SEZ6L: variants seen among roughly 807,000 people sequenced by gnomAD.
SEZ6L encodes seizure 6-like protein.
A neutral mutation model predicts 106.2 loss-of-function variants in SEZ6L; 37 were observed. That is an observed-to-expected ratio of 0.35 (90% confidence interval 0.27 to 0.46). The LOEUF (loss-of-function observed/expected upper bound fraction) is 0.46. SEZ6L is among the 20% of genes least tolerant of loss of function. The pLI, the probability that SEZ6L is intolerant of heterozygous loss-of-function variation, is 1.00. For missense variants in SEZ6L, 1,172 were observed against 1,332.8 expected, an observed-to-expected ratio of 0.88 and a Z score of 1.88; for synonymous variants, 541 against 570.4, an observed-to-expected ratio of 0.95 and a Z score of 0.73.
At chr22:26,302,090 C>T (rs191119000) in intron 5 of SEZ6L, among the ~76,000 whole-genome samples, 20 of 152,304 alleles carry the variant, frequency 1.3e-4, no homozygotes, top group Admixed American at 1.0e-3. Context: ...TTACCACTTT[C>T]ATAGGCAAAG....
At chr22:26,324,559 G>A (rs1328123189) in intron 9 of SEZ6L, among the ~76,000 whole-genome samples, 2 of 152,214 alleles carry the variant, frequency 1.3e-5, no homozygotes, top group East Asian at 3.8e-4. Context: ...CAGGAAAGGA[G>A]GAGAGAGATT....
intron 9 of SEZ6L, among the ~76,000 whole-genome samples, chr22:26,316,892 G>GAAAGA (rs1229794374): frequency 3.8e-4 from 39 of 103,758 alleles, no homozygotes; most frequent in South Asian, 1.3e-3. Context: ...AAGAAAGAAA[G>GAAAGA]AGAAAGAAAG....
Position 26,311,801 on chromosome 22 carries a change from T to C in SEZ6L, c.1715T>C (p.Ile572Thr), listed in dbSNP as rs940105781. 5.0e-6 allele frequency: 8 copies of C among 1,614,138 alleles called. No homozygotes were observed. The highest frequency in any genetic ancestry group is 5.9e-6 in the Non-Finnish European group (7 of 1,180,030). The change falls in exon 8 of 17, where the codon ATC (isoleucine) becomes ACC (threonine). Residue 572 changes from isoleucine to threonine, a missense_variant. Coordinates refer to ENST00000248933, the MANE Select transcript of SEZ6L (RefSeq NM_021115.5). ...AAAGGCCACTGCTATGAGCCCTACA[T>C]CCAGAATGGGAACTTCACTACATCC... is the stretch of plus-strand genomic sequence containing the variant. ...FEKGHCYEPY[I>T]QNGNFTTSDP...
At chr22:26,353,031 T>G (rs553534339) in intron 12 of SEZ6L, among the ~76,000 whole-genome samples, 31 of 152,316 alleles carry the variant, frequency 2.0e-4, no homozygotes, top group African/African-American at 7.2e-4. Flanking sequence ...AGAGAAAAAT[T>G]TCCATTTCTG....
intron 1 of SEZ6L, among the ~76,000 whole-genome samples, chr22:26,216,510 G>T (rs936393976): frequency 7.2e-5 from 11 of 152,230 alleles, no homozygotes; most frequent in African/African-American, 2.4e-4. Context: ...ACAGTAATTA[G>T]CTGGGTGTAG....
intron 1 of SEZ6L, among the ~76,000 whole-genome samples, chr22:26,292,082 G>A (rs1405966144): frequency 2.0e-5 from 3 of 148,784 alleles, no homozygotes; most frequent in Non-Finnish European, 4.5e-5. Context: ...GAAAATGAAG[G>A]AGGAAGGAAG....
chr22:26,277,678 A>G (rs1284228684), intron 1 of SEZ6L, among the ~76,000 whole-genome samples: 4 of 152,208 alleles, frequency 2.6e-5, no homozygotes, highest in African/African-American at 7.2e-5. Context: ...TGACTTTGTC[A>G]TACACACCAA....
At chr22:26,379,871 C>G (rs918293685) in intron 16 of SEZ6L, among the ~76,000 whole-genome samples, 1 of 152,224 alleles carries the variant, frequency 6.6e-6, no homozygotes, top group African/African-American at 2.4e-5. Context: ...ATGCAACAAG[C>G]ATTCATTTGC....
Position 26,169,593 on chromosome 22 carries a change from A to C in SEZ6L, c.-77A>C, listed in dbSNP as rs1938425254. 3 of 503,048 alleles carry C rather than the reference A, an allele frequency of 6.0e-6. No homozygotes were observed. The highest frequency in any genetic ancestry group is 3.2e-6 in the Non-Finnish European group (1 of 310,848). The allele number at this position is 503,048 out of a possible 1,614,324, so 31.2% of individuals were successfully genotyped here. On this transcript the variant is annotated 5_prime_UTR_variant, in exon 1 of 17. Coordinates refer to ENST00000248933, the MANE Select transcript of SEZ6L (RefSeq NM_021115.5). ...CGCTCCCGCTTCCCCTTTCTCGCTC[A>C]CCGCCGCCCTCCTTCCCCAGCTCCC...
intron 1 of SEZ6L, among the ~76,000 whole-genome samples, chr22:26,235,697 G>A (rs1333933301): frequency 6.6e-6 from 1 of 152,158 alleles, no homozygotes; most frequent in Non-Finnish European, 1.5e-5. Context: ...ACAAGCAAAA[G>A]GCTTAGGGGC....
chr22:26,306,801 C>T (rs7510997), intron 6 of SEZ6L, among the ~76,000 whole-genome samples: 2 of 152,210 alleles, frequency 1.3e-5, no homozygotes, highest in East Asian at 1.9e-4. Flanking sequence ...CTGGGATATT[C>T]TGGCGTCTTA....
At chr22:26,320,687 C>A (rs1443527252) in intron 9 of SEZ6L, among the ~76,000 whole-genome samples, 1 of 152,064 alleles carries the variant, frequency 6.6e-6, no homozygotes, top group African/African-American at 2.4e-5. Flanking sequence ...CTCTGGGGGC[C>A]CAGAGCGAGG....
intron 12 of SEZ6L, among the ~76,000 whole-genome samples, chr22:26,358,117 GGCCAGCATGTCCAGTGTTAGCT>G (rs1384386459): frequency 6.6e-6 from 1 of 152,148 alleles, no homozygotes; most frequent in Non-Finnish European, 1.5e-5. Context: ...GCCACATCTT[GGCCAGCATGTCCAGTGTTAGCT>G]GAGTTCCCGT....
intron 1 of SEZ6L, among the ~76,000 whole-genome samples, chr22:26,204,301 AACT>A (rs1471733997): frequency 6.6e-6 from 1 of 152,198 alleles, no homozygotes; most frequent in Admixed American, 6.5e-5. Context: ...CATAATTACT[AACT>A]ACTATTGTGA....
chr22:26,281,161 T>G (rs1234546436), intron 1 of SEZ6L, among the ~76,000 whole-genome samples: 1 of 152,248 alleles, frequency 6.6e-6, no homozygotes, highest in South Asian at 2.1e-4. Flanking sequence ...AATTAATGGA[T>G]TAATGGATTA....
At chr22:26,316,737 C>T (rs760365705) in intron 9 of SEZ6L, among the ~76,000 whole-genome samples, 1 of 151,778 alleles carries the variant, frequency 6.6e-6, no homozygotes, top group Non-Finnish European at 1.5e-5. Flanking sequence ...GAGGCTGAGG[C>T]AAGAGAATCA....
intron 1 of SEZ6L, among the ~76,000 whole-genome samples, chr22:26,202,634 A>G (rs961455371): frequency 6.6e-6 from 1 of 152,192 alleles, no homozygotes; most frequent in Non-Finnish European, 1.5e-5. Flanking sequence ...CAATTCATCA[A>G]TTTTATGTCT....
At chr22:26,290,313 C>T (rs1406052531) in intron 1 of SEZ6L, among the ~76,000 whole-genome samples, 6 of 152,096 alleles carry the variant, frequency 3.9e-5, no homozygotes, top group East Asian at 1.9e-4. Context: ...GGGTGGATCA[C>T]GAGGTCAGGA....
In SEZ6L at chr22:26,279,806, C is replaced by G. The variant is rs1013939260; in HGVS notation, c.95-12600C>G. On this transcript the variant is annotated intron_variant, in intron 1 of 16. Transcript: ENST00000248933. ...CCCTGGAGAGGTAGAATACAAGTGTCTTTTCTTGGGGACTCCCTGCAGGAG... is the reference window on the plus strand; with the variant it reads ...CCCTGGAGAGGTAGAATACAAGTGTGTTTTCTTGGGGACTCCCTGCAGGAG... Among the ~76,000 whole-genome samples, 5 of 152,284 alleles carry G rather than the reference C, an allele frequency of 3.3e-5. No individual in the cohort carries two copies. The East Asian group carries it at 7.7e-4, about 24-fold the overall frequency.
Sources: allele counts gnomAD v4.1 joint callset (sites outside exome capture counted in the v4.1 genomes callset), GRCh38; gene constraint gnomAD v4.1.1; transcripts MANE v1.5; gene names NCBI Gene and HGNC (gene_info 2026-07-23, HGNC 2026-07-21).